DNAH12: variants seen among roughly 807,000 people sequenced by gnomAD.
DNAH12 encodes the protein dynein axonemal heavy chain 12.
A neutral mutation model predicts 371.5 loss-of-function variants in DNAH12; 285 were observed. That is an observed-to-expected ratio of 0.77 (90% CI 0.70 to 0.85). The LOEUF is 0.85. DNAH12 is among the 40% of genes least tolerant of loss of function. The pLI, the probability that DNAH12 is intolerant of heterozygous loss-of-function variation, is 0.00. For missense variants in DNAH12, 3,611 were observed against 3,689.4 expected (o/e 0.98, Z 0.55); for synonymous variants, 1,200 against 1,213.0 (o/e 0.99, Z 0.22).
intron 60 of DNAH12, among the ~76,000 whole-genome samples, chr3:57,337,592 G>C (rs2062257475): frequency 6.6e-6 from 1 of 152,202 alleles, no homozygotes; most frequent in Non-Finnish European, 1.5e-5. Flanking sequence ...CTGGGAGGTG[G>C]AGGTTGTGGT....
chr3:57,383,689 G>T (rs901604946), intron 49 of DNAH12, among the ~76,000 whole-genome samples: 101 of 148,282 alleles, frequency 6.8e-4, no homozygotes, highest in Non-Finnish European at 1.1e-3. Context: ...TAGCCCAAAA[G>T]TTTCAGGTTG....
At chr3:57,381,525 C>T (rs1306236310) in intron 50 of DNAH12, among the ~76,000 whole-genome samples, 2 of 152,068 alleles carry the variant, frequency 1.3e-5, no homozygotes, top group Non-Finnish European at 2.9e-5. Flanking sequence ...TGAGGCTTTA[C>T]ACCTAAGAAC....
At chr3:57,534,142 G>A (rs896854124) in intron 2 of DNAH12, among the ~76,000 whole-genome samples, 5 of 151,006 alleles carry the variant, frequency 3.3e-5, no homozygotes, top group Non-Finnish European at 7.4e-5. Context: ...CTGTGACAAG[G>A]CAGCATTGAG....
At chr3:57,357,754 TAA>T (rs1412997186) in intron 58 of DNAH12, among the ~76,000 whole-genome samples, 2 of 152,124 alleles carry the variant, frequency 1.3e-5, no homozygotes, top group African/African-American at 2.4e-5. Flanking sequence ...AGGTCAGAGA[TAA>T]AGAGGGAGAG....
At chr3:57,553,566 G>C in the DNAH12 span, among the ~76,000 whole-genome samples, 1 of 152,124 alleles carries the variant, frequency 6.6e-6, no homozygotes, top group Admixed American at 6.5e-5. Context: ...ACGTTTCCAG[G>C]CTTCACCATG....
rs937802711 is a variant in DNAH12, at chr3:57,534,598, T to C, written c.170+8103A>G. Among the ~76,000 whole-genome samples the C allele has an allele frequency of 1.1e-4, 16 of 140,018 alleles. 2 individuals carry two copies. Among genetic ancestry groups the C allele is most frequent in the Admixed American group, 1.1e-3 (15 of 13,248 alleles). 91.9% of individuals were successfully genotyped at this position (140,018 alleles called of 152,430 possible). Reference sequence around the variant, plus strand: ...ATCTCTAATCACTGCAGCCTCCACCTCCCAGGTTCCAGTGATTCTCCTGCC... The same window carrying C: ...ATCTCTAATCACTGCAGCCTCCACCCCCCAGGTTCCAGTGATTCTCCTGCC... On this transcript the variant is annotated intron_variant, in intron 2 of 73. Coordinates refer to ENST00000495027, the MANE Select transcript of DNAH12 (RefSeq NM_001366028.2).
intron 13 of DNAH12, among the ~76,000 whole-genome samples, chr3:57,477,464 G>C (rs935865290): frequency 2.0e-5 from 3 of 152,158 alleles, no homozygotes; most frequent in African/African-American, 7.2e-5. Context: ...AGCTCAAGGA[G>C]GCCTGCCTGC....
chr3:57,415,271 G>T (rs114471599), intron 38 of DNAH12, among the ~76,000 whole-genome samples, 155 bp downstream of exon 38: 2,641 of 152,118 alleles, frequency 0.017, 82 homozygotes, highest in African/African-American at 0.059. Flanking sequence ...TCTGAAACTT[G>T]TATCATTAAT....
intron 64 of DNAH12, 97 bp downstream of exon 64, chr3:57,322,910 A>G: frequency 6.9e-7 from 1 of 1,450,360 alleles, no homozygotes; most frequent in Admixed American, 2.5e-5. Context: ...AGCCTGGGAG[A>G]CAGAGTAAGA....
upstream of DNAH12, among the ~76,000 whole-genome samples, chr3:57,548,183 A>G (rs1013204357): frequency 2.6e-5 from 4 of 152,196 alleles, no homozygotes; most frequent in African/African-American, 9.6e-5. Flanking sequence ...TCAGACTTTT[A>G]GGAATCTCAT....
chr3:57,454,022 T>C (rs1159430007), intron 23 of DNAH12, among the ~76,000 whole-genome samples: 1 of 152,120 alleles, frequency 6.6e-6, no homozygotes, highest in Non-Finnish European at 1.5e-5. Context: ...GGCAACAGGA[T>C]AGCTTGAGCC....
intron 62 of DNAH12, among the ~76,000 whole-genome samples, chr3:57,325,910 A>G (rs1288495776): frequency 6.6e-6 from 1 of 152,256 alleles, no homozygotes; most frequent in Non-Finnish European, 1.5e-5. Flanking sequence ...CACGAGAACT[A>G]TGTGTAGAAT....
chr3:57,340,923 A>G (rs1372108335), intron 60 of DNAH12, among the ~76,000 whole-genome samples: 1 of 152,212 alleles, frequency 6.6e-6, no homozygotes, highest in African/African-American at 2.4e-5. Context: ...ATTCAACAGC[A>G]CATCAAAAAT....
chr3:57,346,300 G>A (rs931005226), intron 60 of DNAH12, among the ~76,000 whole-genome samples: 6 of 152,098 alleles, frequency 3.9e-5, no homozygotes, highest in South Asian at 2.1e-4. Context: ...TATAAGGCAC[G>A]GGGGAGGGGA....
In DNAH12 at chr3:57,523,564, T is replaced by C. The variant is rs1243377966; in HGVS notation, c.279+19A>G. Reference sequence around the variant, plus strand: ...TCTTTGAACATTTTCAAACAAGAAATATAAAAACTTGAACTCACTCCTTTT... The same window carrying C: ...TCTTTGAACATTTTCAAACAAGAAACATAAAAACTTGAACTCACTCCTTTT... On this transcript the variant is annotated intron_variant, in intron 4 of 73. Transcript: ENST00000495027. 6.3e-7 allele frequency: 1 copy of C among 1,576,906 alleles called. No homozygotes were observed. The highest frequency in any genetic ancestry group is 2.3e-5 in the East Asian group (1 of 43,618).
At chr3:57,535,247 C>T (rs572670561) in intron 2 of DNAH12, among the ~76,000 whole-genome samples, 40 of 152,192 alleles carry the variant, frequency 2.6e-4, no homozygotes, top group Admixed American at 1.4e-3. Flanking sequence ...CAAAAGTTCA[C>T]GTGTTGGAAA....
chr3:57,342,353 C>G (rs556379233), intron 60 of DNAH12, among the ~76,000 whole-genome samples: 28 of 151,702 alleles, frequency 1.8e-4, no homozygotes, highest in Non-Finnish European at 4.0e-4. Context: ...AAAGTATTTG[C>G]AAACTGGCCA....
chr3:57,523,979 G>A, intron 2 of DNAH12, 95 bp from the exon 3 acceptor site: 1 of 792,830 alleles, frequency 1.3e-6, no homozygotes, highest in East Asian at 3.0e-5. Context: ...TATACTAAGA[G>A]ATATTCAAGA....
chr3:57,554,286 CAAAAATAA>C, the DNAH12 span, among the ~76,000 whole-genome samples: 8 of 130,754 alleles, frequency 6.1e-5, no homozygotes, highest in South Asian at 2.2e-4. Flanking sequence ...GGCTCCATCT[CAAAAATAA>C]AAAAATAAAA....
Sources: allele counts gnomAD v4.1 joint callset (sites outside exome capture counted in the v4.1 genomes callset), GRCh38; gene constraint gnomAD v4.1.1; transcripts MANE v1.5; gene names NCBI Gene and HGNC (gene_info 2026-07-23, HGNC 2026-07-21).